OPCML: variants seen among roughly 807,000 people sequenced by gnomAD.
The protein encoded by OPCML is opioid binding protein/cell adhesion molecule like.
A neutral mutation model predicts 37.8 loss-of-function variants in OPCML; 13 were observed. That is an observed-to-expected ratio of 0.34 (90% CI 0.22 to 0.55). The LOEUF (loss-of-function observed/expected upper bound fraction) is 0.55, where lower values mean the gene tolerates loss of function less well. Ranked by LOEUF, OPCML falls within the 20% of genes least tolerant of loss-of-function variation. The pLI is 0.91. For missense variants in OPCML, 341 were observed against 435.6 expected (o/e 0.78, Z 1.93); for synonymous variants, 176 against 168.8 (o/e 1.04, Z -0.33).
chr11:132,756,890 C>T (rs1946067607), intron 2 of OPCML, among the ~76,000 whole-genome samples: 1 of 152,140 alleles, frequency 6.6e-6, no homozygotes, highest in Admixed American at 6.5e-5. Context: ...ATCAACCCAT[C>T]ATCTACATTG....
At chr11:132,629,287 C>G (rs1055196210) in intron 3 of OPCML, among the ~76,000 whole-genome samples, 3 of 152,196 alleles carry the variant, frequency 2.0e-5, no homozygotes, top group African/African-American at 7.2e-5. Flanking sequence ...CTAATTAAAG[C>G]AAATCCCAGG....
chr11:132,788,220 A>G (rs901975086), intron 2 of OPCML, among the ~76,000 whole-genome samples: 12 of 152,096 alleles, frequency 7.9e-5, no homozygotes, highest in Non-Finnish European at 1.5e-4. Flanking sequence ...AATATGTCCA[A>G]AACTGAACTC....
At chr11:133,085,809 T>C (rs1420038304) in intron 1 of OPCML, among the ~76,000 whole-genome samples, 3 of 152,214 alleles carry the variant, frequency 2.0e-5, no homozygotes, top group African/African-American at 7.2e-5. Context: ...CTTCTTGGGT[T>C]CTAGTGTATA....
intron 1 of OPCML, among the ~76,000 whole-genome samples, chr11:133,095,162 C>T (rs1948979721): frequency 6.6e-6 from 1 of 151,036 alleles, no homozygotes; most frequent in Admixed American, 6.6e-5. Flanking sequence ...ATTGGATCAA[C>T]ATACAATAAA....
At chr11:133,343,590 A>T (rs547031043) in intron 1 of OPCML, among the ~76,000 whole-genome samples, 204 of 152,158 alleles carry the variant, frequency 1.3e-3, no homozygotes, top group Non-Finnish European at 2.6e-3. Flanking sequence ...AAGGTTCTAA[A>T]CTATTCACAA....
chr11:133,044,839 A>T (rs1283970222), intron 1 of OPCML, among the ~76,000 whole-genome samples: 2 of 152,150 alleles, frequency 1.3e-5, no homozygotes, highest in African/African-American at 2.4e-5. Context: ...AAAGAACTGC[A>T]GTGAACAGTC....
chr11:133,370,960 A>G (rs903495901), intron 1 of OPCML, among the ~76,000 whole-genome samples: 1 of 152,220 alleles, frequency 6.6e-6, no homozygotes, highest in Admixed American at 6.5e-5. Context: ...CAAGAAACTC[A>G]AATGATTCAG....
At chr11:133,104,255 G>A (rs1949125765) in intron 1 of OPCML, among the ~76,000 whole-genome samples, 1 of 152,166 alleles carries the variant, frequency 6.6e-6, no homozygotes, top group Non-Finnish European at 1.5e-5. Flanking sequence ...TGGCAGGCAG[G>A]CAGCAGGAGC....
intron 1 of OPCML, among the ~76,000 whole-genome samples, chr11:133,252,277 C>A (rs1158297493): frequency 6.6e-6 from 1 of 152,174 alleles, no homozygotes; most frequent in East Asian, 1.9e-4. Context: ...CAATCTCCAG[C>A]AAATTTCTCA....
At chr11:132,619,743 T>C (rs1246890548) in intron 3 of OPCML, among the ~76,000 whole-genome samples, 1 of 148,856 alleles carries the variant, frequency 6.7e-6, no homozygotes, top group African/African-American at 2.5e-5. Context: ...TCCCAGCTAC[T>C]CGAGAGGCTG....
intron 4 of OPCML, among the ~76,000 whole-genome samples, chr11:132,497,645 A>C (rs2096235643): frequency 6.6e-6 from 1 of 152,186 alleles, no homozygotes. Context: ...CATGCCCTGA[A>C]GTGGGAGTAT....
intron 1 of OPCML, among the ~76,000 whole-genome samples, chr11:133,144,075 C>T: frequency 6.6e-6 from 1 of 152,234 alleles, no homozygotes; most frequent in East Asian, 1.9e-4. Flanking sequence ...CTTCTTCTCT[C>T]CTCTGAGAGA....
intron 2 of OPCML, among the ~76,000 whole-genome samples, chr11:132,715,500 C>T (rs990576785): frequency 6.6e-6 from 1 of 152,126 alleles, no homozygotes; most frequent in Non-Finnish European, 1.5e-5. Flanking sequence ...TATTTGTGTA[C>T]CCCCTAAATT....
chr11:133,418,222 T>C (rs1049586922), intron 1 of OPCML: 2 of 985,270 alleles, frequency 2.0e-6, no homozygotes, highest in South Asian at 9.4e-5. Context: ...GGTGTGGTGA[T>C]CTGTATCTAG....
chr11:133,216,890 A>G (rs770914404), intron 1 of OPCML, among the ~76,000 whole-genome samples: 19 of 152,184 alleles, frequency 1.2e-4, no homozygotes, highest in Non-Finnish European at 2.6e-4. Context: ...AAAGGAAACT[A>G]TATATACAAA....
intron 1 of OPCML, among the ~76,000 whole-genome samples, chr11:133,137,863 G>C (rs1262489140): frequency 5.3e-5 from 8 of 152,174 alleles, no homozygotes; most frequent in Non-Finnish European, 7.3e-5. Flanking sequence ...GACATCCAGT[G>C]AAAGTGTGAA....
chr11:132,981,112 C>G (rs1346116588), intron 1 of OPCML, among the ~76,000 whole-genome samples: 1 of 152,214 alleles, frequency 6.6e-6, no homozygotes, highest in Admixed American at 6.5e-5. Context: ...ATCACATACA[C>G]AGTTCATCAT....
intron 1 of OPCML, among the ~76,000 whole-genome samples, chr11:132,996,473 C>T (rs892656102): frequency 7.0e-6 from 1 of 143,292 alleles, no homozygotes; most frequent in East Asian, 2.1e-4. Context: ...AAAAAAAATA[C>T]AAAAATTAGC....
chr11:132,661,482 A>C (rs1436872072), intron 2 of OPCML, among the ~76,000 whole-genome samples: 1 of 152,128 alleles, frequency 6.6e-6, no homozygotes, highest in Non-Finnish European at 1.5e-5. Context: ...TCAGGGAAGG[A>C]CTTAAAAAGT....
Sources: allele counts gnomAD v4.1 joint callset (sites outside exome capture counted in the v4.1 genomes callset), GRCh38; gene constraint gnomAD v4.1.1; transcripts MANE v1.5; gene names NCBI Gene and HGNC (gene_info 2026-07-23, HGNC 2026-07-21).